The following HSD17B4 variants were observed in gnomAD, a reference collection of about 807,000 sequenced individuals.
HSD17B4 encodes the protein peroxisomal multifunctional enzyme type 2.
In HSD17B4, 70 loss-of-function variants were observed where a neutral mutation model predicts 101.0. The ratio of observed to expected loss-of-function variants is 0.69; its 90% confidence interval spans 0.57 to 0.85. HSD17B4 has a LOEUF of 0.85. Among genes scored for constraint, HSD17B4 ranks in the 40% least tolerant of loss-of-function variants. HSD17B4 has a pLI of 0.00. For synonymous variants in HSD17B4, 347 were observed against 297.1 expected (o/e 1.17, Z -1.73); for missense variants, 984 against 892.4 (o/e 1.10, Z -1.31).
chr5:119,496,751 A>T, intron 12 of HSD17B4, 105 bp downstream of exon 12: 4 of 783,852 alleles, frequency 5.1e-6, no homozygotes, highest in Non-Finnish European at 9.4e-6. Context: ...TTTCTTTTGG[A>T]TGCAGTTACT....
intron 17 of HSD17B4, among the ~76,000 whole-genome samples, chr5:119,521,609 C>G: frequency 6.6e-6 from 1 of 151,824 alleles, no homozygotes; most frequent in Admixed American, 6.6e-5. Context: ...GCCCTTTCTG[C>G]CATCCCCTTA....
chr5:119,457,528 C>T (rs1234647443), intron 2 of HSD17B4, among the ~76,000 whole-genome samples: 1 of 152,328 alleles, frequency 6.6e-6, no homozygotes, highest in Admixed American at 6.5e-5. Context: ...ATCCAATCTG[C>T]TTCTTCTGGC....
At chr5:119,470,653 A>C (rs1756274784) in intron 2 of HSD17B4, among the ~76,000 whole-genome samples, 1 of 152,224 alleles carries the variant, frequency 6.6e-6, no homozygotes, top group Non-Finnish European at 1.5e-5. Context: ...CTAAGCTGCC[A>C]TGCAGAGTTT....
At position 119,475,842 on chromosome 5, in the gene HSD17B4, C is replaced by G; in HGVS notation, c.321C>G (p.Ser107=). ...VNNAGILRDR[S]FARISDEDWD... is the part of the protein sequence containing the mutation. ...TTTTTAGAATTCTGAGGGATCGTTC[C>G]TTTGCTAGGATAAGTGATGAAGACT... Residue 107 remains serine (S), a synonymous_variant, in exon 6 of 24, where the codon TCC becomes TCG. Coordinates refer to ENST00000510025, the MANE Select transcript of HSD17B4 (RefSeq NM_000414.4). 6.3e-7 allele frequency: 1 copy of G among 1,599,950 alleles called. No homozygotes were observed. Among genetic ancestry groups the G allele is most frequent in the Non-Finnish European group, 8.6e-7 (1 of 1,167,426 alleles).
At chr5:119,512,804 A>G (rs571138943) in intron 16 of HSD17B4, among the ~76,000 whole-genome samples, 57 of 152,294 alleles carry the variant, frequency 3.7e-4, no homozygotes, top group African/African-American at 1.3e-3. Context: ...AGTAGGTTAG[A>G]TGTTGCCAAG....
At chr5:119,461,395 A>G (rs1470755713) in intron 2 of HSD17B4, among the ~76,000 whole-genome samples, 2 of 152,254 alleles carry the variant, frequency 1.3e-5, no homozygotes, top group African/African-American at 2.4e-5. Context: ...GCTACAAATT[A>G]TAATCATGTA....
intron 11 of HSD17B4, among the ~76,000 whole-genome samples, chr5:119,495,010 G>A (rs1750499448): frequency 6.6e-6 from 1 of 150,700 alleles, no homozygotes; most frequent in Non-Finnish European, 1.5e-5. Context: ...AAGTTTGATA[G>A]AAGAATATAT....
chr5:119,528,212 C>A (rs1424426936), intron 20 of HSD17B4, among the ~76,000 whole-genome samples: 1 of 152,052 alleles, frequency 6.6e-6, no homozygotes, highest in Non-Finnish European at 1.5e-5. Flanking sequence ...GGTCACACAG[C>A]AAGTGGTTGA....
At chr5:119,457,026 A>G (rs11749784) in intron 2 of HSD17B4, among the ~76,000 whole-genome samples, 37,176 of 152,114 alleles carry the variant, frequency 0.24, 4,986 homozygotes, top group African/African-American at 0.34. Flanking sequence ...GGGCAGTTAC[A>G]TGAGTTTTTG....
intron 17 of HSD17B4, among the ~76,000 whole-genome samples, chr5:119,523,528 A>G (rs1040750055): frequency 6.6e-6 from 1 of 152,110 alleles, no homozygotes; most frequent in Non-Finnish European, 1.5e-5. Flanking sequence ...GGCTTTTGTC[A>G]TTTCTCATAA....
At chr5:119,485,066 C>G (rs1462205294) in intron 8 of HSD17B4, among the ~76,000 whole-genome samples, 3 of 152,194 alleles carry the variant, frequency 2.0e-5, no homozygotes, top group Middle Eastern at 6.8e-3. Flanking sequence ...CACTTCTCAA[C>G]CCAAGAATTG....
At chr5:119,513,539 A>T (rs1012183090) in intron 16 of HSD17B4, among the ~76,000 whole-genome samples, 1 of 152,106 alleles carries the variant, frequency 6.6e-6, no homozygotes, top group African/African-American at 2.4e-5. Flanking sequence ...GCCCGCCACC[A>T]CACCTGGCTA....
chr5:119,529,553 T>C (rs922260221), intron 20 of HSD17B4, among the ~76,000 whole-genome samples: 1 of 151,780 alleles, frequency 6.6e-6, no homozygotes. Context: ...GATCCCCACT[T>C]CCCCCCCAAA....
chr5:119,477,852 A>G, intron 7 of HSD17B4: 1 of 230,660 alleles, frequency 4.3e-6, no homozygotes, highest in Non-Finnish European at 8.7e-6. Flanking sequence ...CCTGGGCTCA[A>G]GCAGTCCTCC....
At chr5:119,456,222 T>C in intron 1 of HSD17B4, 93 bp from the exon 2 acceptor site, 2 of 804,264 alleles carry the variant, frequency 2.5e-6, no homozygotes, top group East Asian at 4.9e-5. Flanking sequence ...AATTAATTGT[T>C]CACCAATTTC....
chr5:119,452,791 A>C, intron 1 of HSD17B4, 158 bp downstream of exon 1: 1 of 1,544,164 alleles, frequency 6.5e-7, no homozygotes, highest in Non-Finnish European at 8.7e-7. Flanking sequence ...TTGAGGAGGA[A>C]AGAGCCGGAA....
At chr5:119,453,325 A>T (rs10478424) in intron 1 of HSD17B4, among the ~76,000 whole-genome samples, 45,092 of 152,118 alleles carry the variant, frequency 0.3, 7,505 homozygotes, top group East Asian at 0.52. Context: ...ACTGGAGAGC[A>T]GAGAATTCCG....
intron 12 of HSD17B4, 86 bp from the exon 13 acceptor site, chr5:119,499,231 A>G (rs1750928329): frequency 5.9e-6 from 5 of 854,246 alleles, no homozygotes; most frequent in South Asian, 2.7e-5. Context: ...AGTCACATCT[A>G]TTCAAAAACA....
chr5:119,539,199 A>T (rs1324849979), intron 23 of HSD17B4, among the ~76,000 whole-genome samples: 2 of 152,218 alleles, frequency 1.3e-5, no homozygotes, highest in Non-Finnish European at 2.9e-5. Flanking sequence ...AAGTCCATCA[A>T]TGATAGACTG....
Sources: allele counts gnomAD v4.1 joint callset (sites outside exome capture counted in the v4.1 genomes callset), GRCh38; gene constraint gnomAD v4.1.1; transcripts MANE v1.5; gene names NCBI Gene and HGNC (gene_info 2026-07-23, HGNC 2026-07-21).